PASD1: variants seen among roughly 807,000 people sequenced by gnomAD.
PASD1 encodes the protein circadian clock protein PASD1.
Under a neutral mutation model 58.8 loss-of-function variants are expected in PASD1, and 13 were observed. The ratio of observed to expected loss-of-function variants is 0.22; its 90% CI spans 0.14 to 0.35. The LOEUF (loss-of-function observed/expected upper bound fraction) is 0.35. Ranked by LOEUF, PASD1 falls within the 10% of genes least tolerant of loss-of-function variation. The probability of loss-of-function intolerance (pLI) is 1.00; values close to 1 mark genes in which losing one functional copy is unlikely to be tolerated. For missense variants in PASD1, 734 were observed against 568.3 expected (o/e 1.29, Z -2.96); for synonymous variants, 236 against 216.7 (o/e 1.09, Z -0.78).
chrX:151,662,324 TGG>T (rs745927347), intron 10 of PASD1, among the ~76,000 whole-genome samples: 21 of 111,198 alleles, frequency 1.9e-4, no homozygotes, highest in Non-Finnish European at 3.2e-4. Context: ...CTTTGGCTCA[TGG>T]GGCTCTTTTA....
intron 8 of PASD1, among the ~76,000 whole-genome samples, chrX:151,641,479 A>G (rs2013995268): frequency 8.9e-6 from 1 of 111,913 alleles, no homozygotes; most frequent in African/African-American, 3.2e-5. Context: ...ACTAATCTAT[A>G]TGGTGTAGGT....
At chrX:151,622,730 C>T (rs1380691863) in intron 6 of PASD1, among the ~76,000 whole-genome samples, 1 of 111,050 alleles carries the variant, frequency 9.0e-6, no homozygotes. Flanking sequence ...CCAACCTTAA[C>T]TCTCAATATT....
At chrX:151,659,081 A>T (rs2014280211) in intron 9 of PASD1, among the ~76,000 whole-genome samples, 1 of 112,397 alleles carries the variant, frequency 8.9e-6, no homozygotes, top group East Asian at 2.8e-4. Context: ...CAGTGAGAAC[A>T]TTGGACTAGA....
chrX:151,572,865 T>C (rs1451505614), intron 1 of PASD1, among the ~76,000 whole-genome samples: 1 of 106,968 alleles, frequency 9.3e-6, no homozygotes, highest in Non-Finnish European at 1.9e-5. Context: ...GGGTAATTTA[T>C]AAAGAAAAGA....
chrX:151,611,178 C>T (rs1198904417), intron 3 of PASD1, among the ~76,000 whole-genome samples: 1 of 111,714 alleles, frequency 9.0e-6, no homozygotes, highest in Non-Finnish European at 1.9e-5. Context: ...AAGTTTTAAT[C>T]TATTTTATTC....
intron 4 of PASD1, among the ~76,000 whole-genome samples, chrX:151,620,480 A>G (rs1399137023): frequency 9.0e-6 from 1 of 110,546 alleles, no homozygotes; most frequent in African/African-American, 3.3e-5. Flanking sequence ...GTCAGCTGAA[A>G]ATGAAGGAAG....
At chrX:151,621,220 C>T (rs368550396) in intron 5 of PASD1, among the ~76,000 whole-genome samples, 191 bp downstream of exon 5, 2 of 111,234 alleles carry the variant, frequency 1.8e-5, no homozygotes, top group Admixed American at 9.6e-5. Flanking sequence ...TCTTATTCCT[C>T]ACCACAGACC....
intron 1 of PASD1, among the ~76,000 whole-genome samples, chrX:151,577,248 AT>A (rs2013020932): frequency 8.9e-6 from 1 of 112,410 alleles, no homozygotes; most frequent in Non-Finnish European, 1.9e-5. Flanking sequence ...AAAATTCTCA[AT>A]AGAAACACAA....
intron 8 of PASD1, among the ~76,000 whole-genome samples, chrX:151,627,622 G>A (rs1287230116): frequency 1.8e-5 from 2 of 111,802 alleles, no homozygotes; most frequent in African/African-American, 3.3e-5. Context: ...CATTTGGGCT[G>A]GTTCCAAGTC....
chrX:151,573,392 C>G (rs1166306137), intron 1 of PASD1, among the ~76,000 whole-genome samples: 4 of 112,409 alleles, frequency 3.6e-5, no homozygotes, highest in Non-Finnish European at 7.5e-5. Flanking sequence ...GGAGAAGTAA[C>G]AAGTTCTTGA....
At position 151,601,466 on chromosome X, in the gene PASD1, C is replaced by T. The variant is rs774804327; in HGVS notation, c.-27-61C>T. The T allele has an allele frequency of 2.9e-5, 26 of 897,991 alleles. No individual in the cohort carries two copies. In the South Asian group the frequency reaches 5.2e-4, roughly 18 times the overall value. 74.0% of individuals were successfully genotyped at this position (897,991 alleles called of 1,213,427 possible). ...TTGAGAATTTTGATTAGTCTTATTG[C>T]TTTACTGTGATTCACCATAGACTGA... On this transcript the variant is annotated intron_variant, in intron 1 of 15. Transcript: ENST00000370357.
chrX:151,580,516 T>C (rs766291313), intron 1 of PASD1, among the ~76,000 whole-genome samples: 28 of 107,820 alleles, frequency 2.6e-4, no homozygotes, highest in South Asian at 8.0e-4. Context: ...TTCTTTTTTT[T>C]TTTTTTTTTT....
intron 10 of PASD1, among the ~76,000 whole-genome samples, chrX:151,662,543 C>T (rs1015948804): frequency 5.4e-5 from 6 of 111,333 alleles, no homozygotes; most frequent in Admixed American, 1.9e-4. Context: ...TCTAAACCCT[C>T]TCAGTGGACT....
chrX:151,597,084 A>G (rs781728611), intron 1 of PASD1, among the ~76,000 whole-genome samples: 5 of 112,076 alleles, frequency 4.5e-5, no homozygotes, highest in South Asian at 7.4e-4. Flanking sequence ...GAACTTTTTC[A>G]TATGGATCAT....
intron 10 of PASD1, among the ~76,000 whole-genome samples, chrX:151,662,346 C>T (rs1235879588): frequency 9.1e-6 from 1 of 110,412 alleles, no homozygotes; most frequent in African/African-American, 3.3e-5. Context: ...AGGTTGGCTC[C>T]CTTGTCCTTT....
chrX:151,625,585 C>T lies in PASD1; in HGVS notation c.629+55C>T, dbSNP rs185109037. 2.8e-3 allele frequency: 2,554 copies of T among 921,615 alleles called. 10 individuals are homozygous for T. Among genetic ancestry groups the T allele is most frequent in the Non-Finnish European group, 2.0e-3 (1,334 of 654,833 alleles). 76.0% of individuals were successfully genotyped at this position (921,615 alleles called of 1,213,427 possible). ...AGATCTAGAATTCAATTTTACTAAA[C>T]GAAACTAAAACAAGAGAAATAACAC... On this transcript the variant is annotated intron_variant, in intron 8 of 15. Coordinates refer to ENST00000370357, the MANE Select transcript of PASD1 (RefSeq NM_173493.3).
rs1425260616 is a variant in PASD1, at chrX:151,671,663, C to A, written c.1321C>A (p.Gln441Lys). ...GAAACAACAGAAACAACACGCTGGG[C>A]AAGTGAAGCGGCCTCTCCCACATCC... The part of the protein sequence containing the change: ...PKKQQKQHAG[Q>K]VKRPLPHPKD... The change falls in exon 13 of 16, where the codon CAA becomes AAA. Residue 441 changes from glutamine to lysine, a missense_variant. Physicochemically the swap from Gln to Lys is moderately conservative, Grantham distance 53. Transcript: ENST00000370357. 1.7e-6 allele frequency: 2 copies of A among 1,210,764 alleles called. No individual in the cohort carries two copies. The highest frequency in any genetic ancestry group is 1.8e-5 in the South Asian group (1 of 56,968).
intron 11 of PASD1, among the ~76,000 whole-genome samples, chrX:151,666,160 A>T (rs1179616625): frequency 9.1e-6 from 1 of 109,498 alleles, no homozygotes; most frequent in Non-Finnish European, 1.9e-5. Context: ...TTGCAAGTGT[A>T]GGTACCTTTT....
chrX:151,616,514 T>TC (rs1556159588), intron 4 of PASD1, among the ~76,000 whole-genome samples: 8 of 108,970 alleles, frequency 7.3e-5, no homozygotes, highest in Non-Finnish European at 5.7e-5. Flanking sequence ...GTTTTTTTTT[T>TC]CCTTTGGAAA....
Sources: allele counts gnomAD v4.1 joint callset (sites outside exome capture counted in the v4.1 genomes callset), GRCh38; gene constraint gnomAD v4.1.1; transcripts MANE v1.5; gene names NCBI Gene and HGNC (gene_info 2026-07-23, HGNC 2026-07-21).